Variants in KCNAB1 observed in about 807,000 individuals in gnomAD.
The protein encoded by KCNAB1 is potassium voltage-gated channel subfamily A regulatory beta subunit 1, also known as voltage-gated potassium channel subunit beta-1.
In KCNAB1, 35 loss-of-function variants were observed where a neutral mutation model predicts 64.6. The observed-to-expected ratio is 0.54, with a 90% CI of 0.41 to 0.72. The LOEUF (loss-of-function observed/expected upper bound fraction) is 0.72. Ranked by LOEUF, KCNAB1 falls within the 30% of genes least tolerant of loss-of-function variation. The probability of loss-of-function intolerance (pLI) is 0.00; values close to 1 mark genes in which losing one functional copy is unlikely to be tolerated. For missense variants in KCNAB1, 401 were observed against 512.9 expected (o/e 0.78, Z 2.11); for synonymous variants, 177 against 183.8 (o/e 0.96, Z 0.30).
At chr3:156,455,197 T>C (rs1379583408) in intron 3 of KCNAB1, among the ~76,000 whole-genome samples, 1 of 152,256 alleles carries the variant, frequency 6.6e-6, no homozygotes, top group African/African-American at 2.4e-5. Flanking sequence ...TGAGTTCACC[T>C]ACCTCGATTT....
intron 1 of KCNAB1, among the ~76,000 whole-genome samples, chr3:156,181,836 G>A (rs192399249): frequency 1.1e-4 from 16 of 152,246 alleles, no homozygotes; most frequent in Admixed American, 9.8e-4. Context: ...GAGTAAAGAC[G>A]TTGAACTCAA....
chr3:156,306,507 C>T (rs1323409131), intron 1 of KCNAB1, among the ~76,000 whole-genome samples: 1 of 152,226 alleles, frequency 6.6e-6, no homozygotes, highest in Non-Finnish European at 1.5e-5. Flanking sequence ...TTACTACATT[C>T]AAGCAAGTAG....
chr3:156,401,062 G>A (rs1341710872), intron 1 of KCNAB1, among the ~76,000 whole-genome samples: 1 of 152,172 alleles, frequency 6.6e-6, no homozygotes, highest in Non-Finnish European at 1.5e-5. Flanking sequence ...TCTCCTTCTT[G>A]GGGGGTTTAT....
intron 1 of KCNAB1, among the ~76,000 whole-genome samples, chr3:156,294,724 T>C (rs1169818549): frequency 6.6e-6 from 1 of 152,190 alleles, no homozygotes; most frequent in Non-Finnish European, 1.5e-5. Flanking sequence ...TAGTAGTAGC[T>C]AATTGTGGTC....
At chr3:156,329,997 C>T (rs981017299) in intron 1 of KCNAB1, among the ~76,000 whole-genome samples, 1 of 152,004 alleles carries the variant, frequency 6.6e-6, no homozygotes, top group Non-Finnish European at 1.5e-5. Context: ...AGTTTTAATT[C>T]CAAAATAACT....
chr3:156,291,440 C>T (rs1720409643), intron 1 of KCNAB1: 7 of 1,006,652 alleles, frequency 7.0e-6, no homozygotes, highest in Non-Finnish European at 8.3e-6. Flanking sequence ...ATGCTGGCGG[C>T]GCATCTTGCG....
At chr3:156,165,277 C>CAAAAAAAAAAA (rs35419424) in intron 1 of KCNAB1, among the ~76,000 whole-genome samples, 2 of 27,136 alleles carry the variant, frequency 7.4e-5, no homozygotes, top group Non-Finnish European at 1.6e-4. Context: ...GACTCCGTCT[C>CAAAAAAAAAAA]AAAAAAAAAA....
chr3:156,272,953 C>T, intron 1 of KCNAB1, among the ~76,000 whole-genome samples: 1 of 152,198 alleles, frequency 6.6e-6, no homozygotes, highest in Non-Finnish European at 1.5e-5. Context: ...AGTTCCTTTT[C>T]TTAGAGGCAA....
intron 1 of KCNAB1, among the ~76,000 whole-genome samples, chr3:156,130,953 G>C (rs138295921): frequency 6.6e-6 from 1 of 152,248 alleles, no homozygotes; most frequent in Non-Finnish European, 1.5e-5. Flanking sequence ...CATCGAAAGA[G>C]CTGTGTAAGT....
intron 1 of KCNAB1, among the ~76,000 whole-genome samples, chr3:156,131,423 T>C (rs9862554): frequency 0.81 from 123,421 of 152,204 alleles, 50,239 homozygotes; most frequent in East Asian, 0.99. Flanking sequence ...CCAAATATTT[T>C]TTCAGTCTCC....
intron 1 of KCNAB1, among the ~76,000 whole-genome samples, chr3:156,281,395 A>G (rs1235969693): frequency 1.3e-5 from 2 of 150,834 alleles, no homozygotes; most frequent in African/African-American, 2.4e-5. Context: ...TTTTGCATCA[A>G]TGTTCATCAA....
chr3:156,517,650 G>A (rs115068947), intron 11 of KCNAB1, among the ~76,000 whole-genome samples: 1,708 of 152,312 alleles, frequency 0.011, 33 homozygotes, highest in African/African-American at 0.039. Flanking sequence ...GCCAAGCACT[G>A]AGCTAAGTGT....
intron 13 of KCNAB1, among the ~76,000 whole-genome samples, chr3:156,533,739 G>GA (rs1576987037): frequency 6.6e-6 from 1 of 152,092 alleles, no homozygotes; most frequent in Non-Finnish European, 1.5e-5. Flanking sequence ...GCAGGTTTGG[G>GA]AAAGAGAGAC....
intron 1 of KCNAB1, among the ~76,000 whole-genome samples, chr3:156,215,002 T>C (rs1448374518): frequency 1.3e-5 from 2 of 152,226 alleles, no homozygotes; most frequent in Non-Finnish European, 2.9e-5. Flanking sequence ...CTATTACCTA[T>C]GAGTTAATTG....
intron 1 of KCNAB1, among the ~76,000 whole-genome samples, chr3:156,271,642 ATGCTCTG>A (rs970129767): frequency 6.6e-6 from 1 of 152,170 alleles, no homozygotes; most frequent in Non-Finnish European, 1.5e-5. Context: ...GCTATTTCAA[ATGCTCTG>A]TATGAAACGT....
At chr3:156,198,711 G>C (rs1714122988) in intron 1 of KCNAB1, among the ~76,000 whole-genome samples, 1 of 131,866 alleles carries the variant, frequency 7.6e-6, no homozygotes, top group Admixed American at 7.8e-5. Context: ...CATGAGATGG[G>C]TCTCCTGAAT....
At chr3:156,249,393 G>A (rs563189481) in intron 1 of KCNAB1, among the ~76,000 whole-genome samples, 20 of 151,932 alleles carry the variant, frequency 1.3e-4, no homozygotes, top group South Asian at 8.3e-4. Context: ...CCAACCTGGC[G>A]TAACCCTGTC....
intron 1 of KCNAB1, among the ~76,000 whole-genome samples, chr3:156,390,574 T>A (rs1471647238): frequency 6.9e-6 from 1 of 144,364 alleles, no homozygotes; most frequent in Non-Finnish European, 1.5e-5. Context: ...CTCTCCTTCC[T>A]TCCTTCCTCT....
intron 2 of KCNAB1, among the ~76,000 whole-genome samples, chr3:156,427,451 C>G (rs1247456495): frequency 2.6e-5 from 4 of 152,190 alleles, no homozygotes. Context: ...TCCCTGAGAG[C>G]AGGGACTGCC....
Sources: gnomAD v4.1 joint callset for allele counts (sites outside exome capture counted in the v4.1 genomes callset) on GRCh38, gnomAD v4.1.1 for gene constraint, MANE v1.5 for transcripts, NCBI Gene and HGNC (gene_info 2026-07-23, HGNC 2026-07-21) for gene names.